Variants in TOPBP1 observed in about 807,000 individuals in gnomAD.
TOPBP1 encodes DNA topoisomerase II binding protein 1.
A neutral mutation model predicts 167.7 loss-of-function variants in TOPBP1; 28 were observed. The ratio of observed to expected loss-of-function variants is 0.17; its 90% confidence interval spans 0.12 to 0.23. The LOEUF (loss-of-function observed/expected upper bound fraction) is 0.23, where lower values mean the gene tolerates loss of function less well. TOPBP1 is among the 10% of genes least tolerant of loss of function. The pLI is 1.00. For missense variants in TOPBP1, 1,554 were observed against 1,809.6 expected (o/e 0.86, Z 2.56); for synonymous variants, 598 against 611.4 (o/e 0.98, Z 0.32).
At position 133,617,093 on chromosome 3, in the gene TOPBP1, AC is replaced by A. The variant is rs112414030; in HGVS notation, c.3759+66del. ...TGATGAAGCCTTGATATTGACATCA[AC>A]AAATTTCTAATACAGCCTAACAGCA... On this transcript the variant is annotated intron_variant, in intron 22 of 27. Coordinates refer to ENST00000260810, the MANE Select transcript of TOPBP1 (RefSeq NM_007027.4). 47 of 1,514,002 alleles carry A rather than the reference AC, an allele frequency of 3.1e-5. 1 individual carries two copies. The African/African-American group carries it at 4.2e-4, about 14-fold the overall frequency. The allele number at this position is 1,514,002 out of a possible 1,614,324, so 93.8% of individuals were successfully genotyped here.
intron 25 of TOPBP1, among the ~76,000 whole-genome samples, 200 bp from the exon 26 acceptor site, chr3:133,609,162 G>A (rs529308635): frequency 1.5e-3 from 222 of 152,284 alleles, no homozygotes; most frequent in African/African-American, 4.9e-3. Flanking sequence ...CAAGAAATAC[G>A]TGAGGAATGA....
chr3:133,602,457 C>T (rs1228406147), intron 27 of TOPBP1, among the ~76,000 whole-genome samples: 4 of 152,182 alleles, frequency 2.6e-5, no homozygotes, highest in Non-Finnish European at 5.9e-5. Flanking sequence ...AACTGACACT[C>T]AAACTGGTAT....
intron 27 of TOPBP1, among the ~76,000 whole-genome samples, chr3:133,603,531 T>C (rs912729253): frequency 6.6e-6 from 1 of 152,118 alleles, no homozygotes; most frequent in Non-Finnish European, 1.5e-5. Context: ...CAAAGAGATA[T>C]CATGACACAG....
chr3:133,640,171 C>CTA lies in TOPBP1; in HGVS notation c.2022-2_2022-1insTA. The CTA allele has an allele frequency of 6.2e-7, 1 of 1,610,182 alleles. No individual in the cohort carries two copies. The stretch of plus-strand genomic sequence containing the variant: ...TTTGCGAACAAAGTATTCTTGAACA[C>CTA]TGAAATTTATGTTTAAAGAAGTGGA... On this transcript the variant is annotated splice_acceptor_variant, in intron 12 of 27. Coordinates refer to ENST00000260810, the MANE Select transcript of TOPBP1 (RefSeq NM_007027.4). LOFTEE classifies it high-confidence loss of function.
chr3:133,652,713 A>C, intron 7 of TOPBP1, 84 bp from the exon 8 acceptor site: 2 of 1,152,104 alleles, frequency 1.7e-6, no homozygotes, highest in Non-Finnish European at 2.4e-6. Context: ...TTTCTTACAA[A>C]TATAGGGCAA....
chr3:133,634,702 G>C (rs1365670342), intron 14 of TOPBP1, among the ~76,000 whole-genome samples: 1 of 152,006 alleles, frequency 6.6e-6, no homozygotes, highest in African/African-American at 2.4e-5. Flanking sequence ...TGCAAGCTAA[G>C]AATAGTACAT....
chr3:133,652,778 G>A (rs1283908095), intron 7 of TOPBP1, 149 bp from the exon 8 acceptor site: 4 of 602,580 alleles, frequency 6.6e-6, no homozygotes, highest in Non-Finnish European at 1.1e-5. Flanking sequence ...TAGTGGCAAA[G>A]TATAAAAAGG....
Position 133,653,374 on chromosome 3 carries a change from G to A in TOPBP1, c.893C>T (p.Thr298Ile), listed in dbSNP as rs1400020480. 1 of 1,607,388 alleles carries A rather than the reference G, an allele frequency of 6.2e-7. No homozygotes were observed. The highest frequency in any genetic ancestry group is 1.1e-5 in the South Asian group (1 of 89,658). The change falls in exon 7 of 28, where the codon ACT (threonine) becomes ATT (isoleucine). Residue 298 changes from threonine to isoleucine, a missense_variant. Around this residue, in one of 3 missense-constraint regions of TOPBP1, gnomAD observed 1,197 missense variants for 1,351.5 expected, o/e 0.89. Coordinates refer to ENST00000260810, the MANE Select transcript of TOPBP1 (RefSeq NM_007027.4). ...PEAKTMPNSS[T>I]PTSQINTIDS... Reference sequence around the variant, plus strand: ...AATTGTGTTGATCTGGCTGGTAGGAGTTGAAGAATTGGGCATAGTCTTTGC... The same window carrying A: ...AATTGTGTTGATCTGGCTGGTAGGAATTGAAGAATTGGGCATAGTCTTTGC...
intron 8 of TOPBP1, among the ~76,000 whole-genome samples, chr3:133,650,371 C>T (rs1029247783): frequency 3.0e-5 from 2 of 67,602 alleles, no homozygotes; most frequent in African/African-American, 5.9e-5. Context: ...GTGTGGGGGG[C>T]GGGGGGAGGG....
chr3:133,620,099 G>A (rs191963773), intron 20 of TOPBP1, 56 bp downstream of exon 20: 293 of 1,502,432 alleles, frequency 2.0e-4, no homozygotes, highest in Non-Finnish European at 2.5e-4. Flanking sequence ...CAGCAGGTAC[G>A]TAAATCCTTT....
intron 25 of TOPBP1, 101 bp from the exon 26 acceptor site, chr3:133,609,063 C>T: frequency 1.0e-6 from 1 of 960,664 alleles, no homozygotes; most frequent in Non-Finnish European, 1.5e-6. Context: ...GTCAATAAAT[C>T]TTATAAACTT....
intron 25 of TOPBP1, among the ~76,000 whole-genome samples, chr3:133,609,295 T>A (rs777777997): frequency 2.6e-5 from 4 of 152,210 alleles, no homozygotes; most frequent in Non-Finnish European, 5.9e-5. Context: ...TTAGGTTAGA[T>A]GAAGCCTGCG....
intron 14 of TOPBP1, among the ~76,000 whole-genome samples, chr3:133,636,114 G>A (rs1381996459): frequency 6.6e-6 from 1 of 152,106 alleles, no homozygotes; most frequent in Non-Finnish European, 1.5e-5. Flanking sequence ...TAGGGAGGAA[G>A]CAGCGATGGA....
chr3:133,622,876 T>C (rs1935138689), intron 19 of TOPBP1, among the ~76,000 whole-genome samples: 1 of 152,206 alleles, frequency 6.6e-6, no homozygotes, highest in African/African-American at 2.4e-5. Flanking sequence ...ATGATCAGCA[T>C]GGGACCACAA....
At chr3:133,656,648 C>T in intron 5 of TOPBP1, 28 bp downstream of exon 5, 1 of 1,552,374 alleles carries the variant, frequency 6.4e-7, no homozygotes, top group Non-Finnish European at 8.7e-7. Flanking sequence ...TTTTTCAAAT[C>T]TAGAAAATAT....
In TOPBP1 at chr3:133,611,151, T is replaced by C; in HGVS notation, c.4036-10A>G. 1 of 1,607,306 alleles carries C rather than the reference T, an allele frequency of 6.2e-7. No homozygotes were observed. Among genetic ancestry groups the C allele is most frequent in the Non-Finnish European group, 8.5e-7 (1 of 1,176,134 alleles). ...ATTCATAGTCTTCTTCCTAGAGAATTTGTCCAACAAACCTGAGTTGTTACA... is the reference window on the plus strand; with the variant it reads ...ATTCATAGTCTTCTTCCTAGAGAATCTGTCCAACAAACCTGAGTTGTTACA... On this transcript the variant is annotated splice_polypyrimidine_tract_variant and intron_variant, in intron 24 of 27. Coordinates refer to ENST00000260810, the MANE Select transcript of TOPBP1 (RefSeq NM_007027.4).
rs1169366220 is a variant in TOPBP1 at position 133,622,981 on chromosome 3, GC to G, written c.3178+109del. 6.7e-6 allele frequency: 4 copies of G among 600,552 alleles called. No homozygotes were observed. In the East Asian group the frequency reaches 1.2e-4, roughly 18 times the overall value. The allele number at this position is 600,552 out of a possible 1,614,324, so 37.2% of individuals were successfully genotyped here. A position where few individuals can be genotyped will look rare whatever the true frequency, so the allele number is the denominator to read the frequency against. On this transcript the variant is annotated intron_variant, in intron 19 of 27. Coordinates refer to ENST00000260810, the MANE Select transcript of TOPBP1 (RefSeq NM_007027.4). ...CTCACAAGGCAGGAGGATCCTTTCAGCCCAGGAGTTTCAGACCAGTGTGGGC... is the reference window on the plus strand; with the variant it reads ...CTCACAAGGCAGGAGGATCCTTTCAGCCAGGAGTTTCAGACCAGTGTGGGC...
intron 19 of TOPBP1, 29 bp downstream of exon 19, chr3:133,623,062 T>G: frequency 2.1e-6 from 3 of 1,408,964 alleles, no homozygotes; most frequent in Non-Finnish European, 2.8e-6. Flanking sequence ...CAAAAAAAAT[T>G]TTTTTAATTA....
At chr3:133,642,464 T>C (rs1180364100) in intron 12 of TOPBP1, among the ~76,000 whole-genome samples, 1 of 152,216 alleles carries the variant, frequency 6.6e-6, no homozygotes, top group African/African-American at 2.4e-5. Context: ...TATGCCAGAG[T>C]TGTACTAAAG....
Sources: gnomAD v4.1 joint callset for allele counts (sites outside exome capture counted in the v4.1 genomes callset) on GRCh38, gnomAD v4.1.1 for gene constraint, gnomAD v4.1.1 regional missense constraint, MANE v1.5 for transcripts, NCBI Gene and HGNC (gene_info 2026-07-23, HGNC 2026-07-21) for gene names.